Variants in SIAH3 observed in about 807,000 individuals in gnomAD.
SIAH3 encodes the protein siah E3 ubiquitin protein ligase family member 3.
SIAH3 carries 9 observed loss-of-function variants against 12.6 expected under a neutral mutation model. The observed-to-expected ratio is 0.72, with a 90% CI of 0.43 to 1.25. The LOEUF (loss-of-function observed/expected upper bound fraction) is 1.25, where lower values mean the gene tolerates loss of function less well. Ranked by LOEUF, SIAH3 falls within the 50% of genes most tolerant of loss-of-function variation. SIAH3 has a pLI of 0.00. For missense variants in SIAH3, 390 were observed against 365.4 expected, an observed-to-expected ratio of 1.07 and a Z score of -0.55; for synonymous variants, 154 against 151.1, an observed-to-expected ratio of 1.02 and a Z score of -0.14.
chr13:45,786,855 G>A (rs1950529604), intron 1 of SIAH3, among the ~76,000 whole-genome samples: 1 of 152,148 alleles, frequency 6.6e-6, no homozygotes, highest in Non-Finnish European at 1.5e-5. Flanking sequence ...TGACCTGTGA[G>A]GACAGATAGA....
At chr13:45,819,314 C>A (rs994033156) in intron 1 of SIAH3, among the ~76,000 whole-genome samples, 10 of 152,152 alleles carry the variant, frequency 6.6e-5, no homozygotes, top group African/African-American at 9.7e-5. Flanking sequence ...TTACTTCTAA[C>A]AGATACAGGA....
At chr13:45,838,324 C>T (rs973642428) in intron 1 of SIAH3, among the ~76,000 whole-genome samples, 80 of 152,140 alleles carry the variant, frequency 5.3e-4, no homozygotes, top group Admixed American at 3.3e-3. Flanking sequence ...AATTTCTCTC[C>T]GATTCTTGGA....
At chr13:45,811,426 G>T (rs967238028) in intron 1 of SIAH3, among the ~76,000 whole-genome samples, 1 of 152,136 alleles carries the variant, frequency 6.6e-6, no homozygotes, top group African/African-American at 2.4e-5. Context: ...GTTTTGAAAG[G>T]GTACTTTTTT....
At position 45,799,702 on chromosome 13, in the gene SIAH3, G is replaced by A. The variant is rs149470459; in HGVS notation, c.136-15645C>T. On this transcript the variant is annotated intron_variant, in intron 1 of 1. Transcript: ENST00000400405. Reference sequence around the variant, plus strand: ...GTGGGCACTGTGCCCCAGGCTTCCCGCTCCTCTCCCTGCAAGCAGCCAGCA... The same window carrying A: ...GTGGGCACTGTGCCCCAGGCTTCCCACTCCTCTCCCTGCAAGCAGCCAGCA... 1.6e-4 allele frequency among the ~76,000 whole-genome samples: 24 copies of A among 152,252 alleles called. 1 individual carries two copies. The highest frequency in any genetic ancestry group is 5.5e-4 in the African/African-American group (23 of 41,526).
chr13:45,796,941 G>C (rs1418855862), intron 1 of SIAH3, among the ~76,000 whole-genome samples: 1 of 152,296 alleles, frequency 6.6e-6, no homozygotes, highest in East Asian at 1.9e-4. Flanking sequence ...GGCTTGGGGG[G>C]CAGGGATGGG....
intron 1 of SIAH3, among the ~76,000 whole-genome samples, chr13:45,844,549 A>T (rs1051166354): frequency 1.3e-5 from 2 of 152,222 alleles, no homozygotes; most frequent in Non-Finnish European, 2.9e-5. Context: ...CTGGCATCCC[A>T]GGGTCTCTAG....
chr13:45,816,395 A>G (rs960971494), intron 1 of SIAH3, among the ~76,000 whole-genome samples: 1 of 152,242 alleles, frequency 6.6e-6, no homozygotes, highest in African/African-American at 2.4e-5. Flanking sequence ...AAACACAGCA[A>G]TATCCCAGCC....
At position 45,786,024 on chromosome 13, in the gene SIAH3, A is replaced by G. The variant is rs145931971; in HGVS notation, c.136-1967T>C. Among the ~76,000 whole-genome samples the G allele has an allele frequency of 4.6e-5, 7 of 152,330 alleles. No homozygotes were observed. The East Asian group carries it at 1.4e-3, about 29-fold the overall frequency. Reference sequence around the variant, plus strand: ...AAATAATTATTTCATTTAATTTTTCACAGAAAAGATCAATTTCCTTATTAA... The same window carrying G: ...AAATAATTATTTCATTTAATTTTTCGCAGAAAAGATCAATTTCCTTATTAA... On this transcript the variant is annotated intron_variant, in intron 1 of 1. Transcript: ENST00000400405.
rs1950497023 is a variant in SIAH3, at chr13:45,779,799, T to TA, written c.*3583dup. The TA allele has an allele frequency of 6.6e-6, 1 of 152,230 alleles. No individual in the cohort carries two copies. The highest frequency in any genetic ancestry group is 2.1e-4 in the South Asian group (1 of 4,830). 9.4% of individuals were successfully genotyped at this position (152,230 alleles called of 1,614,324 possible). ...TATGGTTACTATGCTGATCTATTCC[T>TA]AAAATGTCCAGAGTAGCCACAGCTA... On this transcript the variant is annotated 3_prime_UTR_variant, in exon 2 of 2. Transcript: ENST00000400405.
intron 1 of SIAH3, among the ~76,000 whole-genome samples, chr13:45,795,833 T>C (rs535053673): frequency 1.3e-5 from 2 of 152,298 alleles, no homozygotes; most frequent in African/African-American, 2.4e-5. Flanking sequence ...ATCACCTAAA[T>C]GTTCTTCTAA....
chr13:45,837,517 A>T (rs1950722073), intron 1 of SIAH3, among the ~76,000 whole-genome samples: 1 of 136,490 alleles, frequency 7.3e-6, no homozygotes, highest in Non-Finnish European at 1.6e-5. Context: ...AAATACAGAG[A>T]GAAAGGAAGA....
intron 1 of SIAH3, among the ~76,000 whole-genome samples, chr13:45,827,137 A>G (rs1479930658): frequency 1.3e-5 from 2 of 152,076 alleles, no homozygotes; most frequent in Non-Finnish European, 2.9e-5. Context: ...TGCCTGTGTG[A>G]CTGACCCAGC....
intron 1 of SIAH3, among the ~76,000 whole-genome samples, chr13:45,836,483 T>G (rs965780997): frequency 6.6e-6 from 1 of 152,144 alleles, no homozygotes; most frequent in Non-Finnish European, 1.5e-5. Flanking sequence ...TAGATGGAGT[T>G]GGAAGCCCTT....
intron 1 of SIAH3, among the ~76,000 whole-genome samples, chr13:45,826,833 G>A (rs886867023): frequency 6.6e-6 from 1 of 152,060 alleles, no homozygotes; most frequent in Non-Finnish European, 1.5e-5. Context: ...GCAGAGGCTG[G>A]CACCCCTCCA....
intron 1 of SIAH3, among the ~76,000 whole-genome samples, chr13:45,848,246 G>C (rs1007344170): frequency 6.6e-6 from 1 of 152,170 alleles, no homozygotes; most frequent in Admixed American, 6.5e-5. Flanking sequence ...GAAAGAAGTG[G>C]GGGCACCATT....
chr13:45,843,705 G>A (rs1288700493), intron 1 of SIAH3, among the ~76,000 whole-genome samples: 1 of 152,112 alleles, frequency 6.6e-6, no homozygotes, highest in East Asian at 1.9e-4. Flanking sequence ...TCTCTTCAAG[G>A]CCAAAGATAA....
intron 1 of SIAH3, among the ~76,000 whole-genome samples, chr13:45,813,411 G>A (rs1180922339): frequency 6.6e-6 from 1 of 152,204 alleles, no homozygotes; most frequent in Non-Finnish European, 1.5e-5. Flanking sequence ...GGAGAATGTT[G>A]TCCCTAGGGC....
chr13:45,825,075 C>T lies in SIAH3; in HGVS notation c.135+26420G>A, dbSNP rs796826087. 2.9e-4 allele frequency among the ~76,000 whole-genome samples: 44 copies of T among 152,176 alleles called. 2 individuals are homozygous for T. Among genetic ancestry groups the T allele is most frequent in the African/African-American group, 1.0e-3 (42 of 41,522 alleles). ...CTTAATACATATTTATCGATTTCCA[C>T]GAGATCTTACTTACCCATCTTTTCT... On this transcript the variant is annotated intron_variant, in intron 1 of 1. Coordinates refer to ENST00000400405, the MANE Select transcript of SIAH3 (RefSeq NM_198849.3).
At chr13:45,829,469 C>T (rs1405563928) in intron 1 of SIAH3, among the ~76,000 whole-genome samples, 2 of 152,006 alleles carry the variant, frequency 1.3e-5, no homozygotes, top group Non-Finnish European at 2.9e-5. Flanking sequence ...ATTATCCGGG[C>T]ATGGTGGTGT....
Sources: gnomAD v4.1 joint callset for allele counts (sites outside exome capture counted in the v4.1 genomes callset) on GRCh38, gnomAD v4.1.1 for gene constraint, MANE v1.5 for transcripts, NCBI Gene and HGNC (gene_info 2026-07-23, HGNC 2026-07-21) for gene names.